PLXDC2: variants seen among roughly 807,000 people sequenced by gnomAD.
PLXDC2 encodes the protein plexin domain containing 2.
In PLXDC2, 40 loss-of-function variants were observed where a neutral mutation model predicts 68.9. The observed-to-expected ratio is 0.58, with a 90% confidence interval of 0.45 to 0.76. The LOEUF (loss-of-function observed/expected upper bound fraction) is 0.76, where lower values mean the gene tolerates loss of function less well. PLXDC2 is among the 30% of genes least tolerant of loss of function. PLXDC2 has a pLI of 0.00. For synonymous variants in PLXDC2, 243 were observed against 234.2 expected (o/e 1.04, Z -0.34); for missense variants, 644 against 661.9 (o/e 0.97, Z 0.30).
Position 20,283,194 on chromosome 10 carries a change from C to G in PLXDC2, c.*3375C>G, listed in dbSNP as rs1020914799. The G allele has an allele frequency of 6.6e-6, 1 of 152,150 alleles. No homozygotes were observed. The highest frequency in any genetic ancestry group is 1.5e-5 in the Non-Finnish European group (1 of 68,034). The allele number at this position is 152,150 out of a possible 1,614,324, so 9.4% of individuals were successfully genotyped here. On this transcript the variant is annotated 3_prime_UTR_variant, in exon 14 of 14. Transcript: ENST00000377252. ...AAGCATTTTTGATTTTAGAGAGGCC[C>G]TATGGAGTAATGAAAAAAATACAAG... is the stretch of plus-strand genomic sequence containing the variant.
chr10:20,068,058 T>A (rs2131706428), intron 3 of PLXDC2, 112 bp from the exon 4 acceptor site: 1 of 856,688 alleles, frequency 1.2e-6, no homozygotes, highest in African/African-American at 1.7e-5. Context: ...AGAACTACAA[T>A]AATTATGGGG....
chr10:19,927,498 G>C (rs1833556226), intron 1 of PLXDC2, among the ~76,000 whole-genome samples: 1 of 151,840 alleles, frequency 6.6e-6, no homozygotes, highest in Non-Finnish European at 1.5e-5. Context: ...TCAAGAGATG[G>C]AGACCATCCT....
intron 5 of PLXDC2, among the ~76,000 whole-genome samples, chr10:20,146,942 T>C (rs1020712399): frequency 6.6e-6 from 1 of 152,150 alleles, no homozygotes; most frequent in Non-Finnish European, 1.5e-5. Flanking sequence ...GGCAACAGTT[T>C]TTCTAACCAA....
intron 1 of PLXDC2, among the ~76,000 whole-genome samples, chr10:19,825,845 G>C (rs1009142681): frequency 6.6e-6 from 1 of 152,098 alleles, no homozygotes; most frequent in Admixed American, 6.6e-5. Flanking sequence ...AATGAACCTG[G>C]TTATTTATAT....
At chr10:19,875,206 T>C (rs375546074) in intron 1 of PLXDC2, among the ~76,000 whole-genome samples, 38 of 152,276 alleles carry the variant, frequency 2.5e-4, no homozygotes, top group African/African-American at 9.1e-4. Context: ...TTGTATGCCA[T>C]TTAGTTTTTC....
intron 4 of PLXDC2, among the ~76,000 whole-genome samples, chr10:20,123,109 C>A (rs1389614432): frequency 6.6e-6 from 1 of 152,128 alleles, no homozygotes; most frequent in Non-Finnish European, 1.5e-5. Context: ...TGGAACAAAA[C>A]TGTAAGCCGG....
intron 1 of PLXDC2, among the ~76,000 whole-genome samples, chr10:19,930,035 T>G (rs1307110563): frequency 6.8e-6 from 1 of 147,198 alleles, no homozygotes; most frequent in African/African-American, 2.6e-5. Context: ...GATGCTCATT[T>G]ATTCATTTTT....
chr10:20,222,337 C>T (rs1835223338), intron 12 of PLXDC2, among the ~76,000 whole-genome samples: 1 of 152,112 alleles, frequency 6.6e-6, no homozygotes, highest in African/African-American at 2.4e-5. Flanking sequence ...GATATGTAAG[C>T]ATTAAATACT....
intron 7 of PLXDC2, among the ~76,000 whole-genome samples, chr10:20,171,207 A>G (rs1458905980): frequency 5.3e-5 from 8 of 152,130 alleles, no homozygotes; most frequent in Non-Finnish European, 4.4e-5. Flanking sequence ...AACCCAGTGC[A>G]AGCCCTTTCA....
intron 7 of PLXDC2, among the ~76,000 whole-genome samples, chr10:20,168,879 C>T (rs371073414): frequency 4.6e-5 from 7 of 152,080 alleles, no homozygotes; most frequent in Admixed American, 3.3e-4. Flanking sequence ...AATGTTTTCA[C>T]GTATCTGTAT....
chr10:20,018,030 TCTC>T (rs1835242814), intron 2 of PLXDC2, among the ~76,000 whole-genome samples: 1 of 152,210 alleles, frequency 6.6e-6, no homozygotes, highest in South Asian at 2.1e-4. Context: ...GGATGCCAGA[TCTC>T]CTAGTTTCTC....
At chr10:20,248,358 G>A (rs1050729351) in intron 13 of PLXDC2, among the ~76,000 whole-genome samples, 9 of 152,164 alleles carry the variant, frequency 5.9e-5, no homozygotes, top group Non-Finnish European at 1.3e-4. Flanking sequence ...GAATATTAGA[G>A]CTAGATGGAA....
In PLXDC2 at chr10:20,018,918, A is replaced by G. The variant is rs369035203; in HGVS notation, c.324+16932A>G. ...TGGATCGAGTATATATAAAATAGCT[A>G]TAACTATTTCTAAATTGTCTGTAGA... is the stretch of plus-strand genomic sequence containing the variant. On this transcript the variant is annotated intron_variant, in intron 2 of 13. Transcript: ENST00000377252. 3.9e-5 allele frequency among the ~76,000 whole-genome samples: 6 copies of G among 152,318 alleles called. No homozygotes were observed. The South Asian group carries it at 8.3e-4, about 21-fold the overall frequency.
chr10:20,090,118 G>A (rs897333579), intron 4 of PLXDC2, among the ~76,000 whole-genome samples: 1 of 152,112 alleles, frequency 6.6e-6, no homozygotes, highest in African/African-American at 2.4e-5. Context: ...AGTGCTGGGT[G>A]CACAGAGCCC....
intron 7 of PLXDC2, among the ~76,000 whole-genome samples, chr10:20,168,572 G>C (rs1834405032): frequency 2.0e-5 from 3 of 152,104 alleles, no homozygotes; most frequent in Admixed American, 6.6e-5. Flanking sequence ...ATGTCTGCCT[G>C]TCTGTCCATC....
chr10:20,211,746 G>A lies in PLXDC2; in HGVS notation c.1122+17G>A. On this transcript the variant is annotated intron_variant, in intron 10 of 13. Transcript: ENST00000377252. ...CCTGAAGAGGTACACATGCTTTATT[G>A]TGACAGAATCCTGGGACCAAGCTGT... The A allele has an allele frequency of 1.2e-6, 2 of 1,611,234 alleles. No homozygotes were observed. The highest frequency in any genetic ancestry group is 1.7e-6 in the Non-Finnish European group (2 of 1,177,920).
Position 19,900,058 on chromosome 10 carries a change from A to G in PLXDC2, c.112+82867A>G, listed in dbSNP as rs529635271. On this transcript the variant is annotated intron_variant, in intron 1 of 13. Coordinates refer to ENST00000377252, the MANE Select transcript of PLXDC2 (RefSeq NM_032812.9). ...CTTCTTGGAATTTCAATTTGGCCAC[A>G]TTATTTTTCTATGTCCCACTTAAAG... Among the ~76,000 whole-genome samples the G allele has an allele frequency of 7.9e-5, 12 of 152,304 alleles. No individual in the cohort carries two copies. In the South Asian group the frequency reaches 8.3e-4, roughly 11 times the overall value.
intron 1 of PLXDC2, among the ~76,000 whole-genome samples, chr10:19,819,648 A>T (rs150223990): frequency 1.3e-5 from 2 of 152,222 alleles, no homozygotes; most frequent in Non-Finnish European, 2.9e-5. Flanking sequence ...GGGCAGATAA[A>T]CTGCTAATTT....
chr10:20,228,992 A>G (rs1475012395), intron 12 of PLXDC2, among the ~76,000 whole-genome samples: 4 of 152,174 alleles, frequency 2.6e-5, no homozygotes, highest in African/African-American at 7.2e-5. Flanking sequence ...TTCTGTGGAC[A>G]GTGAGGAAAT....
Sources: gnomAD v4.1 joint callset for allele counts (sites outside exome capture counted in the v4.1 genomes callset) on GRCh38, gnomAD v4.1.1 for gene constraint, MANE v1.5 for transcripts, NCBI Gene and HGNC (gene_info 2026-07-23, HGNC 2026-07-21) for gene names.